Variants in OSBPL10 observed in about 807,000 individuals in gnomAD.
OSBPL10 encodes the protein oxysterol binding protein like 10.
In OSBPL10, 49 loss-of-function variants were observed where a neutral mutation model predicts 81.7. The observed-to-expected ratio is 0.60, with a 90% CI of 0.48 to 0.76. OSBPL10 has a LOEUF of 0.76. OSBPL10 is among the 30% of genes least tolerant of loss of function. OSBPL10 has a pLI of 0.00. For synonymous variants in OSBPL10, 419 were observed against 383.6 expected, an observed-to-expected ratio of 1.09 and a Z score of -1.08; for missense variants, 923 against 987.8, an observed-to-expected ratio of 0.93 and a Z score of 0.88.
In OSBPL10 at chr3:31,675,671, C is replaced by T. The variant is rs928157975; in HGVS notation, c.1727-4688G>A. On this transcript the variant is annotated intron_variant, in intron 8 of 11. Coordinates refer to ENST00000396556, the MANE Select transcript of OSBPL10 (RefSeq NM_017784.5). ...ATAAAGAGGAAACTGCAGGGCCAGG[C>T]GCAGTGGCTCACGCCTGTAATCCCA... Among the ~76,000 whole-genome samples the T allele has an allele frequency of 3.9e-5, 6 of 152,168 alleles. No individual in the cohort carries two copies. In the South Asian group the frequency reaches 6.2e-4, roughly 16 times the overall value.
At chr3:31,827,136 C>T (rs1700120747) in intron 4 of OSBPL10, among the ~76,000 whole-genome samples, 1 of 151,936 alleles carries the variant, frequency 6.6e-6, no homozygotes, top group Admixed American at 6.6e-5. Flanking sequence ...TGGTTTTGAA[C>T]TCCTGGCCTC....
intron 1 of OSBPL10, among the ~76,000 whole-genome samples, chr3:31,974,914 T>C (rs1486975618): frequency 6.6e-6 from 1 of 152,204 alleles, no homozygotes; most frequent in Admixed American, 6.5e-5. Context: ...TGAAAAGGCA[T>C]GAGCAGCTTT....
At chr3:31,808,862 C>T (rs2125468012) in intron 4 of OSBPL10, among the ~76,000 whole-genome samples, 1 of 152,270 alleles carries the variant, frequency 6.6e-6, no homozygotes, top group African/African-American at 2.4e-5. Context: ...CACTGTACTC[C>T]CAGAACTGGA....
intron 4 of OSBPL10, among the ~76,000 whole-genome samples, chr3:31,779,603 GT>G (rs1698634953): frequency 7.1e-6 from 1 of 140,058 alleles, no homozygotes; most frequent in South Asian, 2.1e-4. Context: ...TACAATCATA[GT>G]GGGGGACTTC....
At chr3:31,704,942 C>T (rs114470273) in intron 6 of OSBPL10, 4 of 152,268 alleles carry the variant, frequency 2.6e-5, no homozygotes, top group African/African-American at 4.8e-5. Context: ...CCCCTCCATC[C>T]TTTCCCACTG....
At chr3:31,726,543 C>T (rs7611403) in intron 6 of OSBPL10, among the ~76,000 whole-genome samples, 14,757 of 151,824 alleles carry the variant, frequency 0.097, 1,784 homozygotes, top group African/African-American at 0.29. Flanking sequence ...CTCGATCTCC[C>T]GACCTCATGA....
intron 2 of OSBPL10, among the ~76,000 whole-genome samples, chr3:32,016,338 T>G (rs1208193224): frequency 6.6e-6 from 1 of 151,888 alleles, no homozygotes; most frequent in Non-Finnish European, 1.5e-5. Flanking sequence ...CAGCAAACCC[T>G]CGCAAGGACA....
chr3:31,942,167 C>A (rs1288940400), intron 1 of OSBPL10, among the ~76,000 whole-genome samples: 9 of 151,902 alleles, frequency 5.9e-5, no homozygotes, highest in Non-Finnish European at 1.5e-5. Flanking sequence ...CCCAACTACT[C>A]GGGAGGCTGA....
At chr3:31,907,619 C>CAAAAAAAAAAAAAAAAAAAAAAA (rs142840420) in intron 1 of OSBPL10, among the ~76,000 whole-genome samples, 1 of 63,862 alleles carries the variant, frequency 1.6e-5, no homozygotes, top group African/African-American at 6.9e-5. Flanking sequence ...ACCTCCATCT[C>CAAAAAAAAAAAAAAAAAAAAAAA]AAAAAAAAAA....
At chr3:31,853,127 T>C (rs1164511467) in intron 3 of OSBPL10, among the ~76,000 whole-genome samples, 4 of 152,094 alleles carry the variant, frequency 2.6e-5, no homozygotes, top group Non-Finnish European at 5.9e-5. Flanking sequence ...GGACGGAAGA[T>C]GCCATTAAGA....
intron 2 of OSBPL10, among the ~76,000 whole-genome samples, chr3:32,039,155 C>G (rs1439980055): frequency 6.6e-6 from 1 of 151,322 alleles, no homozygotes; most frequent in Non-Finnish European, 1.5e-5. Context: ...GAAACCCTGT[C>G]TCTACCAAAA....
intron 7 of OSBPL10, among the ~76,000 whole-genome samples, chr3:31,688,283 T>TCTCACA (rs1246299416): frequency 0.13 from 14,626 of 115,166 alleles, 1,394 homozygotes; most frequent in East Asian, 0.43. Context: ...TCTCTCTCTC[T>TCTCACA]CACACACACA....
At chr3:31,874,250 T>C (rs965652376) in intron 3 of OSBPL10, among the ~76,000 whole-genome samples, 2 of 152,216 alleles carry the variant, frequency 1.3e-5, no homozygotes, top group African/African-American at 4.8e-5. Context: ...GAATCAGTGA[T>C]TTAAATATAA....
intron 1 of OSBPL10, among the ~76,000 whole-genome samples, chr3:31,929,124 C>G (rs1697163775): frequency 6.6e-6 from 1 of 152,126 alleles, no homozygotes; most frequent in Non-Finnish European, 1.5e-5. Context: ...CTAAAGGCAC[C>G]TGGTAATACT....
chr3:31,966,462 AAC>A, intron 1 of OSBPL10, among the ~76,000 whole-genome samples: 1 of 152,040 alleles, frequency 6.6e-6, no homozygotes, highest in Middle Eastern at 3.4e-3. Flanking sequence ...TTAAATTGAA[AAC>A]AGAGAAAGAA....
intron 4 of OSBPL10, among the ~76,000 whole-genome samples, chr3:31,812,810 GAAAGAAA>G (rs1559476525): frequency 1.9e-5 from 1 of 53,804 alleles, no homozygotes; most frequent in Non-Finnish European, 3.6e-5. Context: ...AAGAAAGAAA[GAAAGAAA>G]GAGAAAGAAA....
rs191336326 is a variant in OSBPL10 at position 32,002,943 on chromosome 3, G to A, written n.298+43548C>T. 1.5e-3 allele frequency among the ~76,000 whole-genome samples: 226 copies of A among 152,306 alleles called. 2 individuals carry two copies. The highest frequency in any genetic ancestry group is 1.0e-3 in the Non-Finnish European group (69 of 68,032). ...ACAATCAGGTCATTACAACACAGTGGGAGAAGCAACTATGATGAGGGTTTA... is the reference window on the plus strand; with the variant it reads ...ACAATCAGGTCATTACAACACAGTGAGAGAAGCAACTATGATGAGGGTTTA... On this transcript the variant is annotated intron_variant and non_coding_transcript_variant, in intron 2 of 3. Transcript: ENST00000479173.
At chr3:31,738,454 C>G (rs1697254368) in intron 5 of OSBPL10, among the ~76,000 whole-genome samples, 1 of 151,166 alleles carries the variant, frequency 6.6e-6, no homozygotes, top group Non-Finnish European at 1.5e-5. Flanking sequence ...AACAGGCAAA[C>G]AGAAGAATGT....
chr3:31,906,128 ACAAAG>A (rs1559512856), intron 1 of OSBPL10, among the ~76,000 whole-genome samples: 1 of 152,328 alleles, frequency 6.6e-6, no homozygotes, highest in East Asian at 1.9e-4. Context: ...GCAAGAACAA[ACAAAG>A]CAATCTATTT....
Sources: gnomAD v4.1 joint callset for allele counts (sites outside exome capture counted in the v4.1 genomes callset) on GRCh38, gnomAD v4.1.1 for gene constraint, MANE v1.5 for transcripts, NCBI Gene and HGNC (gene_info 2026-07-23, HGNC 2026-07-21) for gene names.